Variants in DNHD1 observed in about 807,000 individuals in gnomAD.
DNHD1 encodes dynein heavy chain domain 1, also known as dynein heavy chain domain-containing protein 1.
A neutral mutation model predicts 458.1 loss-of-function variants in DNHD1; 383 were observed. The ratio of observed to expected loss-of-function variants is 0.84; its 90% confidence interval spans 0.77 to 0.91. The LOEUF (loss-of-function observed/expected upper bound fraction) is 0.91, where lower values mean the gene tolerates loss of function less well. DNHD1 is among the 40% of genes least tolerant of loss of function. DNHD1 has a pLI of 0.00. For synonymous variants in DNHD1, 2,203 were observed against 2,376.9 expected (o/e 0.93, Z 2.13); for missense variants, 5,336 against 5,866.1 (o/e 0.91, Z 2.95).
At position 6,548,122 on chromosome 11, in the gene DNHD1, T is replaced by C; in HGVS notation, c.6905+82T>C. On this transcript the variant is annotated intron_variant, in intron 22 of 42. Transcript: ENST00000254579. The surrounding 1 kb of genome is among the most constrained non-coding windows in gnomAD (Gnocchi z 4.4). ...GAAGTAAAAACCCACATGACATCAC[T>C]GTTAGGGTATGGTGGAGTGTGTGAG... 3 of 1,545,442 alleles carry C rather than the reference T, an allele frequency of 1.9e-6. No individual in the cohort carries two copies. Among genetic ancestry groups the C allele is most frequent in the Non-Finnish European group, 2.6e-6 (3 of 1,141,488 alleles).
chr11:6,534,536 C>T lies in DNHD1; in HGVS notation c.2998+363C>T, dbSNP rs191024553. Among the ~76,000 whole-genome samples, 174 of 152,260 alleles carry T rather than the reference C, an allele frequency of 1.1e-3. 1 individual carries two copies. Among genetic ancestry groups the T allele is most frequent in the Non-Finnish European group, 1.8e-3 (125 of 68,012 alleles). On this transcript the variant is annotated intron_variant, in intron 14 of 42. Transcript: ENST00000254579. ...CTGTTCAACACAGTCCTACACCAGG[C>T]AGCAGGCCCCGAACAAGAGTAGGTC...
chr11:6,566,967 G>C lies in DNHD1; in HGVS notation c.11458G>C (p.Val3820Leu). 2 of 1,613,994 alleles carry C rather than the reference G, an allele frequency of 1.2e-6. No individual in the cohort carries two copies. Among genetic ancestry groups the C allele is most frequent in the Non-Finnish European group, 1.7e-6 (2 of 1,179,878 alleles). ...GCCAGCCAAGTTTCTGCGGAACATA[G>C]TGAGGGCCCAAGGAAAGCTATGCCA... ...QKPAKFLRNI[V>L]RAQGKLCQLR... The change falls in exon 36 of 43, where the codon GTG becomes CTG. Residue 3820 changes from valine (V) to leucine (L), a missense_variant. Around this residue, in one of 4 missense-constraint regions of DNHD1, gnomAD observed 695 missense variants for 804.2 expected, o/e 0.86. Transcript: ENST00000254579.
At chr11:6,538,099 G>T (rs1853002120) in intron 14 of DNHD1, among the ~76,000 whole-genome samples, 1 of 152,322 alleles carries the variant, frequency 6.6e-6, no homozygotes, top group Admixed American at 6.5e-5. Flanking sequence ...AAAGCGTCCA[G>T]TGTCACTAGA....
chr11:6,563,145 G>T lies in DNHD1; in HGVS notation c.9669+14G>T. The T allele has an allele frequency of 6.4e-7, 1 of 1,551,632 alleles. No homozygotes were observed. The highest frequency in any genetic ancestry group is 1.2e-5 in the South Asian group (1 of 84,046). ...TTCCTGGAGCAGGTGGGCTCTTCCT[G>T]CCGCCTGCCCTGCACTGCTCCTCTC... On this transcript the variant is annotated intron_variant, in intron 29 of 42. Transcript: ENST00000254579.
At chr11:6,569,948 C>G in intron 39 of DNHD1, 61 bp from the exon 40 acceptor site, 9 of 1,456,664 alleles carry the variant, frequency 6.2e-6, no homozygotes, top group Non-Finnish European at 8.6e-6. Context: ...GAAGACAAGA[C>G]TTGACAGTCC....
intron 7 of DNHD1, among the ~76,000 whole-genome samples, chr11:6,517,311 A>G (rs1284756582): frequency 1.3e-5 from 2 of 152,196 alleles, no homozygotes; most frequent in Non-Finnish European, 2.9e-5. Flanking sequence ...CTTATAACTA[A>G]AAGTTTGAAC....
chr11:6,538,248 ACTC>A (rs1853005600), intron 14 of DNHD1, 132 bp from the exon 15 acceptor site: 3 of 689,770 alleles, frequency 4.3e-6, no homozygotes, highest in African/African-American at 1.8e-5. Flanking sequence ...ACAATTTGGA[ACTC>A]CACCTCCCCC....
chr11:6,528,526 A>T lies in DNHD1; in HGVS notation c.1842A>T (p.Glu614Asp). Residue 614 changes from glutamate to aspartate, a missense_variant, in exon 11 of 43, where the codon GAA becomes GAT. Physicochemically the swap from Glu to Asp is conservative, Grantham distance 45 (BLOSUM62 2). Around this residue, in one of 4 missense-constraint regions of DNHD1, gnomAD observed 3,932 missense variants for 4,365.6 expected, o/e 0.90. Transcript: ENST00000254579. ...TTATGGCCTGTGCTCCACTAGAAGAAGATGAAGAGGAGGACTCAAAAGACG... is the reference window on the plus strand; with the variant it reads ...TTATGGCCTGTGCTCCACTAGAAGATGATGAAGAGGAGGACTCAAAAGACG... ...TSSDSLYSEEEDEEEDSKDEF... is the reference protein window; with the variant it reads ...TSSDSLYSEEDDEEEDSKDEF... 6.5e-7 allele frequency: 1 copy of T among 1,549,056 alleles called. No individual in the cohort carries two copies. The highest frequency in any genetic ancestry group is 8.7e-7 in the Non-Finnish European group (1 of 1,144,746).
chr11:6,519,436 T>G (rs2134393518), intron 7 of DNHD1, among the ~76,000 whole-genome samples, 164 bp from the exon 8 acceptor site: 1 of 152,232 alleles, frequency 6.6e-6, no homozygotes, highest in Non-Finnish European at 1.5e-5. Context: ...TCAAATAAAA[T>G]TTGAGGGGGT....
rs1237424260 is a variant in DNHD1 at position 6,546,266 on chromosome 11, C to A, written c.5327C>A (p.Thr1776Asn). The A allele has an allele frequency of 6.4e-7, 1 of 1,552,376 alleles. No individual in the cohort carries two copies. Among genetic ancestry groups the A allele is most frequent in the African/African-American group, 1.4e-5 (1 of 73,182 alleles). Residue 1776 changes from threonine to asparagine, a missense_variant, in exon 21 of 43, where the codon ACC (threonine) becomes AAC (asparagine). Physicochemically the swap from Thr to Asn is moderately conservative, Grantham distance 65. Around this residue, in one of 4 missense-constraint regions of DNHD1, gnomAD observed 3,932 missense variants for 4,365.6 expected, o/e 0.90. Transcript: ENST00000254579. ...LYQEASRNTS[T>N]IDPTQPQLLG... ...CAGGAGGCTTCCCGAAACACAAGCACCATAGACCCCACCCAGCCCCAGCTC... is the reference window on the plus strand; with the variant it reads ...CAGGAGGCTTCCCGAAACACAAGCAACATAGACCCCACCCAGCCCCAGCTC...
At chr11:6,563,636 G>T in intron 30 of DNHD1, 57 bp from the exon 31 acceptor site, 1 of 1,545,340 alleles carries the variant, frequency 6.5e-7, no homozygotes, top group Non-Finnish European at 8.7e-7. Context: ...CTAAACTGTT[G>T]GGTCAAGGTC....
At chr11:6,499,092 A>AGCTTTGTGTGG in intron 3 of DNHD1, 131 bp downstream of exon 3, 1 of 1,056,096 alleles carries the variant, frequency 9.5e-7, no homozygotes, top group Non-Finnish European at 1.3e-6. Context: ...ACTCCACACA[A>AGCTTTGTGTGG]AGCTAGTGTG....
In DNHD1 at chr11:6,557,342, G is replaced by A; in HGVS notation, c.8047G>A (p.Gly2683Arg). The change falls in exon 25 of 43, where the codon GGG becomes AGG. Residue 2683 changes from glycine to arginine, a missense_variant. Around this residue, in one of 4 missense-constraint regions of DNHD1, gnomAD observed 3,932 missense variants for 4,365.6 expected, o/e 0.90. Coordinates refer to ENST00000254579, the MANE Select transcript of DNHD1 (RefSeq NM_144666.3). ...LVVAQSVFCCGPGPQHLGKDH... is the reference protein window; with the variant it reads ...LVVAQSVFCCRPGPQHLGKDH... ...AGTAGCTCAAAGTGTCTTCTGCTGT[G>A]GGCCAGGGCCCCAGCACCTGGGCAA... The A allele has an allele frequency of 6.4e-7, 1 of 1,551,442 alleles. No individual in the cohort carries two copies. The highest frequency in any genetic ancestry group is 8.7e-7 in the Non-Finnish European group (1 of 1,147,028).
chr11:6,502,695 C>G (rs1266753874), intron 3 of DNHD1, 58 bp from the exon 4 acceptor site: 2 of 1,491,182 alleles, frequency 1.3e-6, no homozygotes, highest in East Asian at 4.7e-5. Flanking sequence ...CAAGGCCTCC[C>G]TCTAAGGTAC....
chr11:6,559,462 TG>T (rs1853540889), intron 28 of DNHD1, among the ~76,000 whole-genome samples, 179 bp downstream of exon 28: 1 of 152,222 alleles, frequency 6.6e-6, no homozygotes, highest in South Asian at 2.1e-4. Flanking sequence ...AAGTTTCCCA[TG>T]ATACAGCTAA....
Position 6,564,003 on chromosome 11 carries a change from C to A in DNHD1, c.10163C>A (p.Ala3388Asp). Residue 3388 changes from alanine (A) to aspartate (D), a missense_variant, in exon 31 of 43, where the codon GCC becomes GAC. By Grantham distance (126) the Ala-to-Asp change is moderately radical (BLOSUM62 -2). Around this residue, in one of 4 missense-constraint regions of DNHD1, gnomAD observed 3,932 missense variants for 4,365.6 expected, o/e 0.90. Transcript: ENST00000254579. Reference protein sequence around the residue: ...NLALAKMVEDAQASHNCVAKT... With the variant: ...NLALAKMVEDDQASHNCVAKT... ...GCCCTGGCTAAGATGGTGGAGGATG[C>A]CCAAGCTTCCCACAACTGCGTGGCA... The A allele has an allele frequency of 6.4e-7, 1 of 1,551,710 alleles. No individual in the cohort carries two copies. Among genetic ancestry groups the A allele is most frequent in the Non-Finnish European group, 8.7e-7 (1 of 1,146,990 alleles).
chr11:6,555,497 A>G (rs1050675828), intron 24 of DNHD1, among the ~76,000 whole-genome samples: 13 of 152,180 alleles, frequency 8.5e-5, no homozygotes, highest in African/African-American at 3.1e-4. Flanking sequence ...TGAAAGGCAC[A>G]CTGTAAACCC....
rs754894440 is a variant in DNHD1 at position 6,558,930 on chromosome 11, C to G, written c.9240C>G (p.Ala3080=). The G allele has an allele frequency of 1.3e-6, 2 of 1,551,580 alleles. No individual in the cohort carries two copies. Among genetic ancestry groups the G allele is most frequent in the Non-Finnish European group, 1.7e-6 (2 of 1,146,998 alleles). The part of the protein sequence containing the change: ...DGSWKYPDLQ[A]SIPSVAKAMA... ...CCTGGAAGTACCCAGACCTCCAGGC[C>G]TCAATTCCCAGTGTGGCCAAAGCCA... Residue 3080 remains alanine, a synonymous_variant, in exon 27 of 43, where the codon GCC becomes GCG. Transcript: ENST00000254579.
In DNHD1 at chr11:6,558,042, C is replaced by T; in HGVS notation, c.8747C>T (p.Pro2916Leu). 1.5e-5 allele frequency: 24 copies of T among 1,551,740 alleles called. No individual in the cohort carries two copies. Among genetic ancestry groups the T allele is most frequent in the Non-Finnish European group, 2.1e-5 (24 of 1,147,000 alleles). ...SICQAHFFHL[P>L]SGSEEAILQC... is the part of the protein sequence containing the mutation. ...TGTCAGGCCCATTTCTTTCATCTAC[C>T]ATCTGGGTCAGAGGAGGCCATTCTC... is the stretch of plus-strand genomic sequence containing the variant. The change falls in exon 25 of 43, where the codon CCA becomes CTA. Residue 2916 changes from proline (P) to leucine (L), a missense_variant. Physicochemically the swap from Pro to Leu is moderately conservative, Grantham distance 98. Around this residue, in one of 4 missense-constraint regions of DNHD1, gnomAD observed 3,932 missense variants for 4,365.6 expected, o/e 0.90. Transcript: ENST00000254579.
Sources: gnomAD v4.1 joint callset for allele counts (sites outside exome capture counted in the v4.1 genomes callset) on GRCh38, gnomAD v4.1.1 for gene constraint, gnomAD v4.1.1 regional missense constraint, Gnocchi (gnomAD v3.1) non-coding constraint, MANE v1.5 for transcripts, NCBI Gene and HGNC (gene_info 2026-07-23, HGNC 2026-07-21) for gene names.